Variants in LIN7A observed in about 807,000 individuals in gnomAD.
LIN7A encodes the protein lin-7 cell polarity scaffold A, also known as protein lin-7 homolog A.
A neutral mutation model predicts 29.8 loss-of-function variants in LIN7A; 25 were observed. That is an observed-to-expected ratio of 0.84 (90% CI 0.61 to 1.17). The LOEUF (loss-of-function observed/expected upper bound fraction) is 1.17. LIN7A is among the 50% of genes most tolerant of loss of function. The pLI is 0.00. For synonymous variants in LIN7A, 118 were observed against 107.5 expected (o/e 1.10, Z -0.60); for missense variants, 239 against 287.0 (o/e 0.83, Z 1.21).
At chr12:80,896,663 A>T (rs912626413) in intron 1 of LIN7A, among the ~76,000 whole-genome samples, 5 of 152,266 alleles carry the variant, frequency 3.3e-5, no homozygotes, top group Non-Finnish European at 5.9e-5. Context: ...TTCAAATTTT[A>T]AAAATTTACT....
chr12:80,869,179 T>A (rs77810306), intron 2 of LIN7A, among the ~76,000 whole-genome samples: 1 of 150,382 alleles, frequency 6.6e-6, no homozygotes, highest in Non-Finnish European at 1.5e-5. Flanking sequence ...TATGTGTGTA[T>A]ATATACATAT....
chr12:80,859,111 A>C (rs1430977471), intron 2 of LIN7A, among the ~76,000 whole-genome samples: 1 of 152,178 alleles, frequency 6.6e-6, no homozygotes, highest in Non-Finnish European at 1.5e-5. Flanking sequence ...CAGATAAACA[A>C]TGAATAAATT....
chr12:80,875,464 C>A (rs1874637775), intron 2 of LIN7A, among the ~76,000 whole-genome samples: 1 of 152,166 alleles, frequency 6.6e-6, no homozygotes, highest in Non-Finnish European at 1.5e-5. Flanking sequence ...CATATCTGCA[C>A]ATTCATAAGA....
At chr12:80,898,086 A>G (rs951506029) in intron 1 of LIN7A, among the ~76,000 whole-genome samples, 3 of 152,118 alleles carry the variant, frequency 2.0e-5, no homozygotes, top group African/African-American at 4.8e-5. Context: ...ATCATCTTTC[A>G]GGGTTTTTAA....
At position 80,909,664 on chromosome 12, in the gene LIN7A, C is replaced by T. The variant is rs559012627; in HGVS notation, c.83-20295G>A. On this transcript the variant is annotated intron_variant, in intron 1 of 5. Transcript: ENST00000552864. ...ATCCCATTCATGAGGGCCCCACCCT[C>T]ATAACTTAATCGCATCCCCAAAGGC... is the stretch of plus-strand genomic sequence containing the variant. Among the ~76,000 whole-genome samples the T allele has an allele frequency of 1.4e-4, 21 of 152,204 alleles. No homozygotes were observed. The Middle Eastern group carries it at 0.024, about 173-fold the overall frequency.
intron 1 of LIN7A, among the ~76,000 whole-genome samples, chr12:80,932,718 TTC>T (rs1877981182): frequency 6.6e-6 from 1 of 152,228 alleles, no homozygotes; most frequent in South Asian, 2.1e-4. Context: ...TTGTATTATC[TTC>T]TCTGACCTTG....
At chr12:80,872,399 A>T (rs1874467649) in intron 2 of LIN7A, among the ~76,000 whole-genome samples, 1 of 152,168 alleles carries the variant, frequency 6.6e-6, no homozygotes, top group African/African-American at 2.4e-5. Flanking sequence ...CTTATGCTTG[A>T]CAAGATATTT....
chr12:80,837,375 T>C (rs1287444543), intron 4 of LIN7A, among the ~76,000 whole-genome samples: 1 of 152,120 alleles, frequency 6.6e-6, no homozygotes, highest in East Asian at 1.9e-4. Context: ...ATTATCTCAG[T>C]GGGCCCTAAG....
intron 2 of LIN7A, among the ~76,000 whole-genome samples, chr12:80,856,121 A>G (rs1484222435): frequency 6.6e-6 from 1 of 152,170 alleles, no homozygotes; most frequent in Non-Finnish European, 1.5e-5. Flanking sequence ...AGAAAAATTA[A>G]ATGGCAATGG....
chr12:80,908,184 C>T (rs977777147), intron 1 of LIN7A, among the ~76,000 whole-genome samples: 1 of 151,940 alleles, frequency 6.6e-6, no homozygotes, highest in Non-Finnish European at 1.5e-5. Context: ...TCCATTTTGT[C>T]TTAAATATAG....
At chr12:80,907,021 T>C (rs1199647791) in intron 1 of LIN7A, among the ~76,000 whole-genome samples, 1 of 142,670 alleles carries the variant, frequency 7.0e-6, no homozygotes, top group Non-Finnish European at 1.5e-5. Context: ...AGTGAAACAA[T>C]GATCATAATA....
intron 5 of LIN7A, among the ~76,000 whole-genome samples, chr12:80,800,218 G>C (rs375167961): frequency 6.6e-6 from 1 of 152,028 alleles, no homozygotes; most frequent in African/African-American, 2.4e-5. Flanking sequence ...GGCCGGGTAC[G>C]GTGGCTCACA....
chr12:80,829,152 T>C (rs1189461523), intron 4 of LIN7A, among the ~76,000 whole-genome samples: 1 of 152,190 alleles, frequency 6.6e-6, no homozygotes, highest in African/African-American at 2.4e-5. Flanking sequence ...TCAAGTAGTT[T>C]GGGCAAAATA....
intron 4 of LIN7A, among the ~76,000 whole-genome samples, chr12:80,837,661 C>A (rs945540854): frequency 1.3e-5 from 2 of 152,106 alleles, no homozygotes; most frequent in East Asian, 1.9e-4. Context: ...TAAAAACCAC[C>A]GTGTGTGGTA....
intron 4 of LIN7A, among the ~76,000 whole-genome samples, chr12:80,829,973 A>G (rs1007392676): frequency 6.6e-6 from 1 of 152,322 alleles, no homozygotes; most frequent in Middle Eastern, 3.4e-3. Flanking sequence ...AAATAATTAC[A>G]TGTGCCTGTA....
intron 1 of LIN7A, among the ~76,000 whole-genome samples, chr12:80,930,082 A>G (rs573505011): frequency 2.2e-4 from 33 of 152,310 alleles, no homozygotes; most frequent in Non-Finnish European, 4.3e-4. Flanking sequence ...AAAAGATGTT[A>G]TATTGAAATA....
At chr12:80,858,405 C>T (rs1873706029) in intron 2 of LIN7A, among the ~76,000 whole-genome samples, 1 of 151,812 alleles carries the variant, frequency 6.6e-6, no homozygotes, top group Non-Finnish European at 1.5e-5. Flanking sequence ...CATCAAATAA[C>T]TTGTACAAAT....
intron 4 of LIN7A, among the ~76,000 whole-genome samples, chr12:80,838,689 C>A (rs745389154): frequency 6.6e-5 from 10 of 152,206 alleles, no homozygotes; most frequent in Non-Finnish European, 1.5e-4. Context: ...AAAGGTAAAG[C>A]ATCTGCTAAC....
At position 80,848,391 on chromosome 12, in the gene LIN7A, G is replaced by A. The variant is rs1251508281; in HGVS notation, c.202-69C>T. The A allele has an allele frequency of 2.6e-6, 3 of 1,175,886 alleles. No individual in the cohort carries two copies. The Admixed American group carries it at 5.9e-5, about 23-fold the overall frequency. 72.8% of individuals were successfully genotyped at this position (1,175,886 alleles called of 1,614,324 possible). A position where few individuals can be genotyped will look rare whatever the true frequency, so the allele number is the denominator to read the frequency against. ...AATAATAATTCTTTTATTGCAGAAA[G>A]AAAATTATATTTTCACTGTAGGAAA... On this transcript the variant is annotated intron_variant, in intron 2 of 5. Transcript: ENST00000552864.
Sources: gnomAD v4.1 joint callset for allele counts (sites outside exome capture counted in the v4.1 genomes callset) on GRCh38, gnomAD v4.1.1 for gene constraint, MANE v1.5 for transcripts, NCBI Gene and HGNC (gene_info 2026-07-23, HGNC 2026-07-21) for gene names.